ATRNL1: variants seen among roughly 807,000 people sequenced by gnomAD.
ATRNL1 encodes attractin like 1, also known as attractin-like protein 1.
A neutral mutation model predicts 182.7 loss-of-function variants in ATRNL1; 95 were observed. That is an observed-to-expected ratio of 0.52 (90% CI 0.44 to 0.62). The LOEUF is 0.62. ATRNL1 is among the 20% of genes least tolerant of loss of function. The probability of loss-of-function intolerance (pLI) is 0.00; values close to 1 mark genes in which losing one functional copy is unlikely to be tolerated. For missense variants in ATRNL1, 1,471 were observed against 1,679.5 expected (o/e 0.88, Z 2.17); for synonymous variants, 576 against 568.3 (o/e 1.01, Z -0.19).
At chr10:115,526,149 T>G (rs534592496) in intron 25 of ATRNL1, among the ~76,000 whole-genome samples, 9 of 152,154 alleles carry the variant, frequency 5.9e-5, no homozygotes, top group Non-Finnish European at 1.3e-4. Context: ...GAAGCATTCA[T>G]TCATATATTC....
At chr10:115,484,244 T>C (rs1440852647) in intron 24 of ATRNL1, among the ~76,000 whole-genome samples, 1 of 151,514 alleles carries the variant, frequency 6.6e-6, no homozygotes, top group Non-Finnish European at 1.5e-5. Flanking sequence ...TTATTAAATA[T>C]TATGTTTTTT....
chr10:115,668,760 T>C (rs552654469), intron 26 of ATRNL1, among the ~76,000 whole-genome samples: 1 of 152,244 alleles, frequency 6.6e-6, no homozygotes, highest in African/African-American at 2.4e-5. Context: ...TTTTATATCA[T>C]TTATGTTCAA....
intron 15 of ATRNL1, among the ~76,000 whole-genome samples, chr10:115,295,227 C>A (rs149071720): frequency 2.0e-5 from 3 of 152,036 alleles, no homozygotes; most frequent in Non-Finnish European, 1.5e-5. Flanking sequence ...GTCCTGGGGG[C>A]TTGCTTGCCA....
At chr10:115,571,901 G>T (rs1450981707) in intron 26 of ATRNL1, among the ~76,000 whole-genome samples, 13 of 151,434 alleles carry the variant, frequency 8.6e-5, no homozygotes, top group Non-Finnish European at 1.8e-4. Flanking sequence ...GTGTCTTTAG[G>T]GAATTTAAAA....
chr10:115,226,612 A>AC (rs1849708809), intron 9 of ATRNL1, among the ~76,000 whole-genome samples: 1 of 151,996 alleles, frequency 6.6e-6, no homozygotes, highest in Non-Finnish European at 1.5e-5. Context: ...AAAGAGCCCG[A>AC]ATAACCAAAG....
intron 25 of ATRNL1, among the ~76,000 whole-genome samples, chr10:115,524,810 C>G (rs1267996587): frequency 5.3e-5 from 8 of 152,096 alleles, no homozygotes; most frequent in Non-Finnish European, 1.2e-4. Flanking sequence ...TTGTTATGTG[C>G]CCCCACCCCA....
chr10:115,574,208 A>G (rs1254487640), intron 26 of ATRNL1, among the ~76,000 whole-genome samples: 4 of 151,146 alleles, frequency 2.6e-5, no homozygotes, highest in Non-Finnish European at 4.4e-5. Flanking sequence ...GTATCTATAT[A>G]TACAAATATA....
chr10:115,122,426 AT>A (rs1260257589), intron 3 of ATRNL1, among the ~76,000 whole-genome samples: 4 of 151,856 alleles, frequency 2.6e-5, no homozygotes, highest in Non-Finnish European at 5.9e-5. Flanking sequence ...GAGAAAATCT[AT>A]TAGACACAGA....
chr10:115,875,549 A>G (rs1259665524), intron 28 of ATRNL1, among the ~76,000 whole-genome samples: 1 of 152,244 alleles, frequency 6.6e-6, no homozygotes, highest in African/African-American at 2.4e-5. Flanking sequence ...AGAACATGAA[A>G]TGAGGATAGA....
At chr10:115,827,260 A>G (rs1950456909) in intron 27 of ATRNL1, among the ~76,000 whole-genome samples, 1 of 152,188 alleles carries the variant, frequency 6.6e-6, no homozygotes, top group Admixed American at 6.5e-5. Context: ...AACTAAACCC[A>G]TGAGGCAAGA....
chr10:115,254,647 T>C (rs1307426198), intron 10 of ATRNL1, among the ~76,000 whole-genome samples: 19 of 152,040 alleles, frequency 1.2e-4, no homozygotes, highest in Admixed American at 8.5e-4. Context: ...TTAATTAGAT[T>C]CCATTTGTCA....
At chr10:115,628,618 C>A (rs145518274) in intron 26 of ATRNL1, among the ~76,000 whole-genome samples, 2 of 151,924 alleles carry the variant, frequency 1.3e-5, no homozygotes, top group Non-Finnish European at 2.9e-5. Context: ...TTGTTGCTTG[C>A]GCTTTTGGTG....
At chr10:115,183,491 A>G (rs1316470818) in intron 8 of ATRNL1, among the ~76,000 whole-genome samples, 2 of 151,612 alleles carry the variant, frequency 1.3e-5, no homozygotes, top group Non-Finnish European at 3.0e-5. Context: ...AAGCACAAAT[A>G]CACAAAACAA....
chr10:115,821,654 C>T (rs1950301440), intron 27 of ATRNL1, among the ~76,000 whole-genome samples: 1 of 152,110 alleles, frequency 6.6e-6, no homozygotes, highest in African/African-American at 2.4e-5. Context: ...ATAAAACATA[C>T]TTTAAACCAG....
At chr10:115,785,257 G>C (rs1949367340) in intron 27 of ATRNL1, among the ~76,000 whole-genome samples, 1 of 152,202 alleles carries the variant, frequency 6.6e-6, no homozygotes, top group South Asian at 2.1e-4. Context: ...GGGATCACTG[G>C]TTCCAAGCAA....
At chr10:115,679,623 A>G (rs78313267) in intron 26 of ATRNL1, among the ~76,000 whole-genome samples, 4,551 of 152,138 alleles carry the variant, frequency 0.03, 274 homozygotes, top group African/African-American at 0.1. Flanking sequence ...AATAACCCCT[A>G]ATTTGATATT....
At chr10:115,594,964 G>T (rs188345268) in intron 26 of ATRNL1, among the ~76,000 whole-genome samples, 61 of 152,226 alleles carry the variant, frequency 4.0e-4, no homozygotes, top group African/African-American at 1.4e-3. Flanking sequence ...ACATTCTATT[G>T]AGGTGTAATT....
intron 26 of ATRNL1, among the ~76,000 whole-genome samples, chr10:115,641,702 G>A (rs1282571843): frequency 1.7e-4 from 26 of 151,870 alleles, no homozygotes; most frequent in Admixed American, 1.6e-3. Flanking sequence ...AACCTTTTAT[G>A]TTAAAATTTT....
At chr10:115,599,526 C>T (rs577530417) in intron 26 of ATRNL1, among the ~76,000 whole-genome samples, 14 of 111,650 alleles carry the variant, frequency 1.3e-4, no homozygotes, top group African/African-American at 4.3e-4. Context: ...AAAGTAAACC[C>T]GGATTTTTTT....
Sources: gnomAD v4.1 joint callset for allele counts (sites outside exome capture counted in the v4.1 genomes callset) on GRCh38, gnomAD v4.1.1 for gene constraint, MANE v1.5 for transcripts, NCBI Gene and HGNC (gene_info 2026-07-23, HGNC 2026-07-21) for gene names.